BMPR2: variants seen among roughly 807,000 people sequenced by gnomAD.
The protein encoded by BMPR2 is bone morphogenetic protein receptor type 2.
BMPR2 carries 29 observed loss-of-function variants against 100.8 expected under a neutral mutation model. That is an observed-to-expected ratio of 0.29 (90% CI 0.21 to 0.39). The LOEUF (loss-of-function observed/expected upper bound fraction) is 0.39. Ranked by LOEUF, BMPR2 falls within the 10% of genes least tolerant of loss-of-function variation. The pLI is 1.00. For missense variants in BMPR2, 1,011 were observed against 1,274.5 expected, an observed-to-expected ratio of 0.79 and a Z score of 3.15; for synonymous variants, 382 against 442.3, an observed-to-expected ratio of 0.86 and a Z score of 1.71.
At chr2:202,469,725 C>T (rs1000955620) in intron 3 of BMPR2, among the ~76,000 whole-genome samples, 3 of 151,930 alleles carry the variant, frequency 2.0e-5, no homozygotes, top group South Asian at 2.1e-4. Context: ...ATGGATGATC[C>T]GCCCACCTCG....
chr2:202,508,582 A>T (rs1389997852), intron 3 of BMPR2, among the ~76,000 whole-genome samples: 1 of 152,256 alleles, frequency 6.6e-6, no homozygotes, highest in Non-Finnish European at 1.5e-5. Context: ...ATGTCCACTC[A>T]GCAGCAACCC....
intron 3 of BMPR2, chr2:202,469,442 G>A (rs191206279): frequency 1.1e-5 from 3 of 277,966 alleles, no homozygotes; most frequent in Non-Finnish European, 1.4e-5. Flanking sequence ...CACAGTATAC[G>A]CAAACTGAAA....
chr2:202,544,738 A>T (rs1280832273), intron 10 of BMPR2, among the ~76,000 whole-genome samples: 1 of 147,540 alleles, frequency 6.8e-6, no homozygotes, highest in East Asian at 2.0e-4. Flanking sequence ...AATTCAGAGG[A>T]ATTTTCTTTT....
intron 3 of BMPR2, among the ~76,000 whole-genome samples, chr2:202,475,837 A>G (rs1291711235): frequency 6.6e-6 from 1 of 152,028 alleles, no homozygotes; most frequent in Non-Finnish European, 1.5e-5. Context: ...TTGGGAGGCC[A>G]AAGTGGGCAG....
intron 9 of BMPR2, among the ~76,000 whole-genome samples, chr2:202,535,640 A>T (rs1351588242): frequency 6.7e-5 from 10 of 148,272 alleles, no homozygotes; most frequent in African/African-American, 2.5e-4. Context: ...ATCCCAGATG[A>T]TGGGCGGCCA....
chr2:202,518,837 C>A lies in BMPR2; in HGVS notation c.637C>A (p.Arg213=). Residue 213 remains arginine (R), a synonymous_variant, in exon 6 of 13, where the codon CGA becomes AGA. Coordinates refer to ENST00000374580, the MANE Select transcript of BMPR2 (RefSeq NM_001204.7). ...LKLLELIGRG[R]YGAVYKGSLD... is the part of the protein sequence containing the mutation. ...ACACTTGCAGCTGATTGGCCGAGGT[C>A]GATATGGAGCAGTATATAAAGGCTC... is the stretch of plus-strand genomic sequence containing the variant. 1 of 1,614,050 alleles carries A rather than the reference C, an allele frequency of 6.2e-7. No homozygotes were observed. The highest frequency in any genetic ancestry group is 8.5e-7 in the Non-Finnish European group (1 of 1,179,992).
intron 1 of BMPR2, 125 bp from the exon 2 acceptor site, chr2:202,464,684 G>A: frequency 3.4e-6 from 3 of 885,994 alleles, no homozygotes; most frequent in Admixed American, 3.2e-5. Flanking sequence ...AGAAATTTAT[G>A]TAAAGATTTC....
intron 10 of BMPR2, among the ~76,000 whole-genome samples, chr2:202,543,762 A>C (rs1688325532): frequency 6.6e-6 from 1 of 152,188 alleles, no homozygotes; most frequent in African/African-American, 2.4e-5. Context: ...AAATTCATCT[A>C]ATATTTAAAT....
chr2:202,438,270 G>A (rs1033847136), intron 1 of BMPR2, among the ~76,000 whole-genome samples: 13 of 150,386 alleles, frequency 8.6e-5, no homozygotes, highest in Non-Finnish European at 2.9e-5. Flanking sequence ...CCAAGATCAC[G>A]CCATTGCACT....
At chr2:202,455,366 A>G (rs748150284) in intron 1 of BMPR2, among the ~76,000 whole-genome samples, 1 of 152,038 alleles carries the variant, frequency 6.6e-6, no homozygotes, top group Non-Finnish European at 1.5e-5. Flanking sequence ...TGGGCAACAT[A>G]GCCAGACCCC....
chr2:202,464,196 T>G (rs45442097), intron 1 of BMPR2, among the ~76,000 whole-genome samples: 1 of 149,980 alleles, frequency 6.7e-6, no homozygotes, highest in Non-Finnish European at 1.5e-5. Flanking sequence ...TTTTTTTTAT[T>G]GAAGTATAAT....
intron 3 of BMPR2, among the ~76,000 whole-genome samples, chr2:202,501,549 C>T (rs1478288567): frequency 6.6e-6 from 1 of 152,220 alleles, no homozygotes; most frequent in Non-Finnish European, 1.5e-5. Context: ...ATCCCACAAC[C>T]AGTGGCATAC....
chr2:202,440,690 G>A (rs75569831), intron 1 of BMPR2, among the ~76,000 whole-genome samples: 13,422 of 150,468 alleles, frequency 0.089, 856 homozygotes, highest in East Asian at 0.2. Flanking sequence ...CAGGCACTCG[G>A]CAGGCTGAGG....
intron 7 of BMPR2, among the ~76,000 whole-genome samples, chr2:202,530,343 TG>T: frequency 6.6e-6 from 1 of 152,218 alleles, no homozygotes; most frequent in East Asian, 1.9e-4. Context: ...AGAACTGGAA[TG>T]TGCTGTCACA....
At chr2:202,458,778 T>C (rs1263094478) in intron 1 of BMPR2, among the ~76,000 whole-genome samples, 2 of 152,226 alleles carry the variant, frequency 1.3e-5, no homozygotes, top group East Asian at 3.8e-4. Context: ...GCAAACTTAC[T>C]TATAATTACA....
chr2:202,408,531 G>A (rs1690948655), intron 1 of BMPR2, among the ~76,000 whole-genome samples: 1 of 152,170 alleles, frequency 6.6e-6, no homozygotes. Context: ...TAGTTAATGG[G>A]TCTTCTCCAA....
At chr2:202,492,757 G>A (rs1449990566) in intron 3 of BMPR2, among the ~76,000 whole-genome samples, 3 of 148,372 alleles carry the variant, frequency 2.0e-5, no homozygotes, top group African/African-American at 5.0e-5. Context: ...ATCAGTGTGC[G>A]AAGTGGGAAA....
At chr2:202,494,701 ATATGT>A (rs892391012) in intron 3 of BMPR2, among the ~76,000 whole-genome samples, 1 of 152,260 alleles carries the variant, frequency 6.6e-6, no homozygotes, top group Non-Finnish European at 1.5e-5. Context: ...TAGATGTAGC[ATATGT>A]TATGTAAAAA....
chr2:202,544,151 C>CA (rs1180060692), intron 10 of BMPR2, among the ~76,000 whole-genome samples: 6 of 151,264 alleles, frequency 4.0e-5, no homozygotes, highest in African/African-American at 9.7e-5. Context: ...CAAAAAAAAA[C>CA]AAAAAAAAAT....
Sources: gnomAD v4.1 joint callset for allele counts (sites outside exome capture counted in the v4.1 genomes callset) on GRCh38, gnomAD v4.1.1 for gene constraint, MANE v1.5 for transcripts, NCBI Gene and HGNC (gene_info 2026-07-23, HGNC 2026-07-21) for gene names.